The following PPP2R5E variants were observed in gnomAD, a reference collection of about 807,000 sequenced individuals.
PPP2R5E encodes serine/threonine-protein phosphatase 2A 56 kDa regulatory subunit epsilon isoform.
A neutral mutation model predicts 65.3 loss-of-function variants in PPP2R5E; 4 were observed. That is an observed-to-expected ratio of 0.06 (90% CI 0.03 to 0.14). The LOEUF is 0.14. Ranked by LOEUF, PPP2R5E falls within the 10% of genes least tolerant of loss-of-function variation. The pLI is 1.00. For synonymous variants in PPP2R5E, 183 were observed against 187.4 expected (o/e 0.98, Z 0.19); for missense variants, 274 against 556.1 (o/e 0.49, Z 5.10).
At chr14:63,533,104 G>C (rs1044537814) in intron 2 of PPP2R5E, among the ~76,000 whole-genome samples, 10 of 151,980 alleles carry the variant, frequency 6.6e-5, no homozygotes, top group African/African-American at 2.4e-4. Flanking sequence ...CAAAGTGCTG[G>C]GATTAAAGGT....
intron 2 of PPP2R5E, among the ~76,000 whole-genome samples, chr14:63,459,430 G>C (rs896354212): frequency 6.6e-6 from 1 of 152,050 alleles, no homozygotes; most frequent in Non-Finnish European, 1.5e-5. Context: ...TCCTCAAAAC[G>C]AGGAGACAAC....
intron 3 of PPP2R5E, among the ~76,000 whole-genome samples, chr14:63,430,345 GTATACATA>G (rs1196464265): frequency 1.5e-5 from 2 of 137,128 alleles, no homozygotes; most frequent in African/African-American, 3.3e-5. Context: ...GAAAACCCAT[GTATACATA>G]CATACATACA....
intron 2 of PPP2R5E, among the ~76,000 whole-genome samples, chr14:63,526,942 G>A (rs1893208268): frequency 6.6e-6 from 1 of 152,202 alleles, no homozygotes; most frequent in South Asian, 2.1e-4. Flanking sequence ...GGCCAAGGCG[G>A]GCGGATCACC....
chr14:63,463,054 A>AT (rs1369892177), intron 2 of PPP2R5E, among the ~76,000 whole-genome samples: 15 of 145,176 alleles, frequency 1.0e-4, no homozygotes, highest in Non-Finnish European at 2.1e-4. Context: ...GTGAGCTGAG[A>AT]TGGCGCCATT....
intron 2 of PPP2R5E, among the ~76,000 whole-genome samples, chr14:63,491,729 C>T (rs897257653): frequency 6.6e-6 from 1 of 152,016 alleles, no homozygotes. Flanking sequence ...CACCTGTAGT[C>T]CCAGCTACTC....
intron 13 of PPP2R5E, among the ~76,000 whole-genome samples, chr14:63,379,060 G>A (rs1251316377): frequency 4.7e-5 from 7 of 148,154 alleles, no homozygotes; most frequent in African/African-American, 1.0e-4. Flanking sequence ...ACGGAGTCTC[G>A]CTCTGTCGCC....
intron 2 of PPP2R5E, among the ~76,000 whole-genome samples, chr14:63,501,836 G>A: frequency 6.6e-6 from 1 of 152,142 alleles, no homozygotes; most frequent in East Asian, 1.9e-4. Flanking sequence ...GAAGCAATCT[G>A]AGTTCTCTAT....
At chr14:63,488,128 C>A (rs1891085748) in intron 2 of PPP2R5E, among the ~76,000 whole-genome samples, 1 of 152,150 alleles carries the variant, frequency 6.6e-6, no homozygotes, top group African/African-American at 2.4e-5. Context: ...AGGACAATTT[C>A]TTCCAAACGC....
chr14:63,481,038 T>C lies in PPP2R5E; in HGVS notation c.158-27153A>G, dbSNP rs570748105. Reference sequence around the variant, plus strand: ...CAATACTGAAGGAGGATCTAACCAATTGTCATCAAAAATAATTTTTGGTGG... The same window carrying C: ...CAATACTGAAGGAGGATCTAACCAACTGTCATCAAAAATAATTTTTGGTGG... On this transcript the variant is annotated intron_variant, in intron 2 of 13. Coordinates refer to ENST00000337537, the MANE Select transcript of PPP2R5E (RefSeq NM_006246.5). Among the ~76,000 whole-genome samples the C allele has an allele frequency of 3.9e-5, 6 of 152,262 alleles. No individual in the cohort carries two copies. In the East Asian group the frequency reaches 9.7e-4, roughly 25 times the overall value.
intron 2 of PPP2R5E, among the ~76,000 whole-genome samples, chr14:63,455,949 T>C (rs1002652727): frequency 6.6e-6 from 1 of 152,172 alleles, no homozygotes; most frequent in Admixed American, 6.5e-5. Flanking sequence ...GTATTTTTAG[T>C]AAAGACAGGG....
intron 3 of PPP2R5E, among the ~76,000 whole-genome samples, chr14:63,433,208 T>C (rs1887783778): frequency 6.6e-6 from 1 of 151,964 alleles, no homozygotes; most frequent in South Asian, 2.1e-4. Flanking sequence ...CTGCTAATTT[T>C]TATATTTTTA....
intron 2 of PPP2R5E, among the ~76,000 whole-genome samples, chr14:63,463,803 C>T (rs1053154470): frequency 5.3e-5 from 8 of 151,274 alleles, no homozygotes; most frequent in African/African-American, 1.5e-4. Context: ...TCACCGTGTT[C>T]GCCAGGATGG....
chr14:63,443,471 CAAGG>C (rs1888335743), intron 3 of PPP2R5E, among the ~76,000 whole-genome samples: 1 of 152,124 alleles, frequency 6.6e-6, no homozygotes, highest in Non-Finnish European at 1.5e-5. Flanking sequence ...ACAGTACACC[CAAGG>C]TGCGAGCAAT....
intron 3 of PPP2R5E, among the ~76,000 whole-genome samples, chr14:63,441,038 T>C (rs1429149833): frequency 6.6e-6 from 1 of 152,058 alleles, no homozygotes; most frequent in Non-Finnish European, 1.5e-5. Flanking sequence ...TTTGGACAAG[T>C]TTCTTAACCT....
At chr14:63,424,172 G>T (rs150310405) in intron 3 of PPP2R5E, among the ~76,000 whole-genome samples, 1 of 152,286 alleles carries the variant, frequency 6.6e-6, no homozygotes, top group African/African-American at 2.4e-5. Context: ...TGATGTGAAA[G>T]AACTAATTAA....
Position 63,393,904 on chromosome 14 carries a change from A to T in PPP2R5E, c.765T>A (p.Pro255=), listed in dbSNP as rs1184614303. 1 of 1,610,048 alleles carries T rather than the reference A, an allele frequency of 6.2e-7. No individual in the cohort carries two copies. The highest frequency in any genetic ancestry group is 1.7e-5 in the Admixed American group (1 of 60,018). ...LGSIINGFAL[P]LKAEHKQFLV... ...GAAACTGTTTGTGTTCTGCCTTAAG[A>T]GGTAAAGCAAAGCCATTGATAATAC... Residue 255 remains proline (P), a synonymous_variant, in exon 8 of 14, where the codon CCT becomes CCA. Transcript: ENST00000337537.
At chr14:63,516,101 C>G (rs929645821) in intron 2 of PPP2R5E, among the ~76,000 whole-genome samples, 1 of 151,722 alleles carries the variant, frequency 6.6e-6, no homozygotes, top group Non-Finnish European at 1.5e-5. Context: ...CGCCCACCTC[C>G]GCCTCCTAAA....
rs138989248 is a variant in PPP2R5E at position 63,374,636 on chromosome 14, TATATATATATATATATATATA to T, written c.*1352_*1372del. 16,693 of 42,156 alleles carry T rather than the reference TATATATATATATATATATATA, an allele frequency of 0.4. 1,659 individuals are homozygous for T. The highest frequency in any genetic ancestry group is 0.51 in the East Asian group (1,882 of 3,720). 2.6% of individuals were successfully genotyped at this position (42,156 alleles called of 1,614,324 possible). A position where few individuals can be genotyped will look rare whatever the true frequency, so the allele number is the denominator to read the frequency against. On this transcript the variant is annotated 3_prime_UTR_variant, in exon 14 of 14. Coordinates refer to ENST00000337537, the MANE Select transcript of PPP2R5E (RefSeq NM_006246.5). Reference sequence around the variant, plus strand: ...AATACAAAGCAGAGAGCCAATAAGATATATATATATATATATATATATATATATATATAAAATACAGCCCTA... The same window carrying T: ...AATACAAAGCAGAGAGCCAATAAGATTATATATATATAAAATACAGCCCTA...
intron 2 of PPP2R5E, among the ~76,000 whole-genome samples, chr14:63,484,783 C>T (rs916440833): frequency 7.9e-5 from 12 of 152,142 alleles, no homozygotes; most frequent in Admixed American, 1.3e-4. Context: ...CAGGGCACCA[C>T]AAAGTTTGAT....
Sources: gnomAD v4.1 joint callset for allele counts (sites outside exome capture counted in the v4.1 genomes callset) on GRCh38, gnomAD v4.1.1 for gene constraint, MANE v1.5 for transcripts, NCBI Gene and HGNC (gene_info 2026-07-23, HGNC 2026-07-21) for gene names.